Variants in NSUN2 observed in about 807,000 individuals in gnomAD.
NSUN2 encodes RNA cytosine C(5)-methyltransferase NSUN2.
Under a neutral mutation model 92.7 loss-of-function variants are expected in NSUN2, and 63 were observed. The observed-to-expected ratio is 0.68, with a 90% CI of 0.56 to 0.84. The LOEUF (loss-of-function observed/expected upper bound fraction) is 0.84, where lower values mean the gene tolerates loss of function less well. Ranked by LOEUF, NSUN2 falls within the 40% of genes least tolerant of loss-of-function variation. The pLI, the probability that NSUN2 is intolerant of heterozygous loss-of-function variation, is 0.00. For synonymous variants in NSUN2, 356 were observed against 348.3 expected (o/e 1.02, Z -0.25); for missense variants, 989 against 964.9 (o/e 1.02, Z -0.33).
At chr5:6,612,242 T>C (rs1449388746) in intron 9 of NSUN2, among the ~76,000 whole-genome samples, 1 of 152,224 alleles carries the variant, frequency 6.6e-6, no homozygotes, top group African/African-American at 2.4e-5. Context: ...AAGGCTGGGC[T>C]GCAGGACGCC....
intron 17 of NSUN2, among the ~76,000 whole-genome samples, chr5:6,603,417 C>T (rs1052539838): frequency 2.6e-5 from 4 of 152,190 alleles, no homozygotes; most frequent in Non-Finnish European, 1.5e-5. Flanking sequence ...ACTGGCTGGG[C>T]GCGGTGGCCC....
intron 14 of NSUN2, among the ~76,000 whole-genome samples, chr5:6,605,932 A>G (rs1736752819): frequency 6.6e-6 from 1 of 152,052 alleles, no homozygotes; most frequent in African/African-American, 2.4e-5. Context: ...TAACCTCATG[A>G]TCTGCCTGCC....
intron 17 of NSUN2, 115 bp downstream of exon 17, chr5:6,604,023 A>G: frequency 2.2e-6 from 2 of 929,018 alleles, no homozygotes; most frequent in Admixed American, 4.6e-5. Context: ...TGATGTAGCC[A>G]TAAATAAACT....
intron 4 of NSUN2, 42 bp downstream of exon 4, chr5:6,625,522 A>C (rs765715317): frequency 2.8e-6 from 4 of 1,448,262 alleles, no homozygotes; most frequent in Non-Finnish European, 3.9e-6. Flanking sequence ...CTATGCATTT[A>C]CAGCTTTAAG....
At chr5:6,619,613 A>G (rs1737353171) in intron 7 of NSUN2, among the ~76,000 whole-genome samples, 1 of 152,246 alleles carries the variant, frequency 6.6e-6, no homozygotes, top group Non-Finnish European at 1.5e-5. Flanking sequence ...AGGTATAAAA[A>G]CACAAGCAAA....
chr5:6,615,755 G>A (rs969936410), intron 9 of NSUN2, among the ~76,000 whole-genome samples: 3 of 152,352 alleles, frequency 2.0e-5, no homozygotes, highest in African/African-American at 7.2e-5. Flanking sequence ...CTTCACACAC[G>A]TGGGTGCAGG....
At chr5:6,619,980 G>T in intron 7 of NSUN2, 126 bp downstream of exon 7, 4 of 736,282 alleles carry the variant, frequency 5.4e-6, no homozygotes, top group Non-Finnish European at 2.1e-6. Context: ...TTAGGCTCAC[G>T]CTATCTTTCT....
intron 3 of NSUN2, among the ~76,000 whole-genome samples, chr5:6,630,823 A>G (rs1160903853): frequency 6.6e-6 from 1 of 152,212 alleles, no homozygotes; most frequent in Admixed American, 6.5e-5. Context: ...GGCAGGGCGC[A>G]GTGGCTCACG....
intron 12 of NSUN2, among the ~76,000 whole-genome samples, chr5:6,608,713 C>G (rs1453492056): frequency 1.3e-5 from 2 of 152,244 alleles, no homozygotes; most frequent in African/African-American, 4.8e-5. Flanking sequence ...GCACGCGTCT[C>G]TAAGACAGGC....
intron 13 of NSUN2, 104 bp from the exon 14 acceptor site, chr5:6,607,016 G>A (rs894489422): frequency 4.0e-6 from 3 of 742,248 alleles, no homozygotes; most frequent in Admixed American, 3.1e-5. Context: ...AACATGGAAC[G>A]GTTTGCGGCA....
chr5:6,631,110 C>T (rs1018959333), intron 3 of NSUN2, among the ~76,000 whole-genome samples: 3 of 152,048 alleles, frequency 2.0e-5, no homozygotes, highest in African/African-American at 7.2e-5. Context: ...AACAAACAGA[C>T]AAACAAAAAA....
rs1737521716 is a variant in NSUN2, at chr5:6,623,127, T to C, written c.537+87A>G. ...AAGAAGAAAAAAAGGACTAATTATA[T>C]TAAGAAAAAATGGTTTCATCAAAAC... On this transcript the variant is annotated intron_variant, in intron 5 of 18. Coordinates refer to ENST00000264670, the MANE Select transcript of NSUN2 (RefSeq NM_017755.6). The C allele has an allele frequency of 3.6e-6, 4 of 1,108,572 alleles. No individual in the cohort carries two copies. The East Asian group carries it at 9.8e-5, about 27-fold the overall frequency. 68.7% of individuals were successfully genotyped at this position (1,108,572 alleles called of 1,614,324 possible).
intron 3 of NSUN2, among the ~76,000 whole-genome samples, chr5:6,627,125 C>T (rs1194989488): frequency 6.6e-6 from 1 of 152,184 alleles, no homozygotes; most frequent in Non-Finnish European, 1.5e-5. Context: ...TCATATAGCC[C>T]AGTTCCCTCC....
At chr5:6,614,773 A>C (rs573141329) in intron 9 of NSUN2, among the ~76,000 whole-genome samples, 13 of 152,158 alleles carry the variant, frequency 8.5e-5, no homozygotes, top group South Asian at 2.1e-4. Flanking sequence ...ATTTTGCGGT[A>C]ATGAGACAGG....
Position 6,618,042 on chromosome 5 carries a change from A to G in NSUN2, c.816-18T>C. On this transcript the variant is annotated intron_variant, in intron 7 of 18. Coordinates refer to ENST00000264670, the MANE Select transcript of NSUN2 (RefSeq NM_017755.6). ...CGTCTCCACTGGAAAAAAGATATTT[A>G]TGAGTGCAAAGCTCCCTACAGGTGG... 1 of 1,590,354 alleles carries G rather than the reference A, an allele frequency of 6.3e-7. No individual in the cohort carries two copies. Among genetic ancestry groups the G allele is most frequent in the Non-Finnish European group, 8.6e-7 (1 of 1,158,760 alleles).
At chr5:6,631,722 GTTGA>G in intron 3 of NSUN2, 147 bp downstream of exon 3, 1 of 628,398 alleles carries the variant, frequency 1.6e-6, no homozygotes, top group South Asian at 2.2e-5. Context: ...GCAATATAAT[GTTGA>G]TAAAAGCACC....
chr5:6,607,997 T>C (rs1011974666), intron 12 of NSUN2, among the ~76,000 whole-genome samples: 2 of 152,232 alleles, frequency 1.3e-5, no homozygotes, highest in Non-Finnish European at 2.9e-5. Flanking sequence ...TTTTAACATT[T>C]TAACAGGTCA....
intron 9 of NSUN2, 96 bp downstream of exon 9, chr5:6,616,631 T>G: frequency 5.3e-6 from 1 of 188,744 alleles, no homozygotes; most frequent in Non-Finnish European, 7.4e-6. Context: ...GGCTCAAAAA[T>G]GATTAAGATG....
At chr5:6,632,810 G>T in intron 1 of NSUN2, 54 bp from the exon 2 acceptor site, 1 of 1,579,002 alleles carries the variant, frequency 6.3e-7, no homozygotes. Context: ...CCCCCTCGCC[G>T]CCGCCTCGCA....
Sources: allele counts gnomAD v4.1 joint callset (sites outside exome capture counted in the v4.1 genomes callset), GRCh38; gene constraint gnomAD v4.1.1; transcripts MANE v1.5; gene names NCBI Gene and HGNC (gene_info 2026-07-23, HGNC 2026-07-21).